CEP83: variants seen among roughly 807,000 people sequenced by gnomAD.
CEP83 encodes centrosomal protein 83.
Under a neutral mutation model 101.9 loss-of-function variants are expected in CEP83, and 70 were observed. The observed-to-expected ratio is 0.69, with a 90% confidence interval of 0.57 to 0.84. The LOEUF (loss-of-function observed/expected upper bound fraction) is 0.84, where lower values mean the gene tolerates loss of function less well. Ranked by LOEUF, CEP83 falls within the 40% of genes least tolerant of loss-of-function variation. The pLI, the probability that CEP83 is intolerant of heterozygous loss-of-function variation, is 0.00. For synonymous variants in CEP83, 264 were observed against 267.9 expected, an observed-to-expected ratio of 0.99 and a Z score of 0.14; for missense variants, 715 against 787.2, an observed-to-expected ratio of 0.91 and a Z score of 1.10.
chr12:94,291,867 C>T, the CEP83 span, among the ~76,000 whole-genome samples: 3 of 152,168 alleles, frequency 2.0e-5, no homozygotes, highest in African/African-American at 7.2e-5. Context: ...ACCCAGTGAA[C>T]GTAGTACCCA....
At chr12:94,280,187 C>T in the CEP83 span, 6 of 216,792 alleles carry the variant, frequency 2.8e-5, no homozygotes, top group East Asian at 5.1e-4. Flanking sequence ...AATTCATTTT[C>T]GGGCTCTACT....
At chr12:94,349,152 G>A (rs763618570) in intron 11 of CEP83, among the ~76,000 whole-genome samples, 16 of 152,068 alleles carry the variant, frequency 1.1e-4, no homozygotes, top group Non-Finnish European at 2.2e-4. Flanking sequence ...TAGGTGTGGT[G>A]GTGGGTGCCT....
intron 2 of CEP83, among the ~76,000 whole-genome samples, chr12:94,427,427 C>T (rs1407155805): frequency 3.3e-5 from 5 of 152,318 alleles, no homozygotes; most frequent in African/African-American, 1.2e-4. Flanking sequence ...CCAAATTCTT[C>T]ATCTTCTCTT....
intron 11 of CEP83, among the ~76,000 whole-genome samples, chr12:94,337,838 A>G (rs2059516727): frequency 6.6e-6 from 1 of 152,192 alleles, no homozygotes; most frequent in Non-Finnish European, 1.5e-5. Context: ...AGTAAAGGGG[A>G]AAAGGACATT....
chr12:94,328,807 G>C (rs1299530451), intron 14 of CEP83, among the ~76,000 whole-genome samples: 1 of 152,180 alleles, frequency 6.6e-6, no homozygotes, highest in Non-Finnish European at 1.5e-5. Context: ...GCAGTGGAAA[G>C]AGCACCAGAC....
At position 94,307,868 on chromosome 12, in the gene CEP83, T is replaced by TATCA. The variant is rs747028879; in HGVS notation, c.*941_*944dup. On this transcript the variant is annotated 3_prime_UTR_variant, in exon 17 of 17. Coordinates refer to ENST00000397809, the MANE Select transcript of CEP83 (RefSeq NM_016122.3). Reference sequence around the variant, plus strand: ...CAATTACAGTCCTGGCCTTCTTCACTATCAACTGGGACTTTTGACTATGAA... The same window carrying TATCA: ...CAATTACAGTCCTGGCCTTCTTCACTATCAATCAACTGGGACTTTTGACTATGAA... The TATCA allele has an allele frequency of 1.3e-5, 2 of 152,196 alleles. No homozygotes were observed. The highest frequency in any genetic ancestry group is 6.5e-5 in the Admixed American group (1 of 15,268). 9.4% of individuals were successfully genotyped at this position (152,196 alleles called of 1,614,324 possible).
chr12:94,287,997 G>T, the CEP83 span, among the ~76,000 whole-genome samples: 1 of 152,164 alleles, frequency 6.6e-6, no homozygotes, highest in African/African-American at 2.4e-5. Context: ...ATGCCTCAAG[G>T]CTTGAAAGCA....
intron 6 of CEP83, among the ~76,000 whole-genome samples, chr12:94,379,746 TC>T (rs1243493878): frequency 2.0e-5 from 3 of 151,998 alleles, no homozygotes; most frequent in Admixed American, 2.0e-4. Context: ...TCAAACTGTT[TC>T]CTAACCTCTG....
chr12:94,291,365 A>G, the CEP83 span, among the ~76,000 whole-genome samples: 7 of 152,106 alleles, frequency 4.6e-5, no homozygotes, highest in Non-Finnish European at 1.0e-4. Context: ...CTGGGACTAC[A>G]GGCGTGTGCC....
At chr12:94,289,141 A>G in the CEP83 span, among the ~76,000 whole-genome samples, 58 of 152,322 alleles carry the variant, frequency 3.8e-4, no homozygotes, top group African/African-American at 1.3e-3. Flanking sequence ...TGCCATAAAC[A>G]TGGTATCTTA....
chr12:94,344,799 T>C (rs944612179), intron 11 of CEP83, among the ~76,000 whole-genome samples: 7 of 152,028 alleles, frequency 4.6e-5, no homozygotes, highest in Admixed American at 4.6e-4. Context: ...TTAACAAGAA[T>C]TTAAAAAGAT....
chr12:94,370,632 C>A (rs1488499852), intron 8 of CEP83, among the ~76,000 whole-genome samples: 3 of 151,894 alleles, frequency 2.0e-5, no homozygotes, highest in Non-Finnish European at 4.4e-5. Context: ...CCTGCTTTGG[C>A]CTCCTAAAGT....
rs575968636 is a variant in CEP83, at chr12:94,345,746, G to C, written c.1344-10082C>G. 4.6e-5 allele frequency among the ~76,000 whole-genome samples: 7 copies of C among 152,320 alleles called. No individual in the cohort carries two copies. The South Asian group carries it at 1.4e-3, about 32-fold the overall frequency. On this transcript the variant is annotated intron_variant, in intron 11 of 16. Coordinates refer to ENST00000397809, the MANE Select transcript of CEP83 (RefSeq NM_016122.3). ...AAATAATGCTACACAGAGGGGCCAA[G>C]AAGAATCTAAATGCACAGGACTTGT... is the stretch of plus-strand genomic sequence containing the variant.
chr12:94,317,033 C>T (rs1171613637), intron 14 of CEP83, among the ~76,000 whole-genome samples: 6 of 152,094 alleles, frequency 3.9e-5, no homozygotes, highest in African/African-American at 1.4e-4. Context: ...ATTTACACTC[C>T]CACCAACAGT....
In CEP83 at chr12:94,309,198, C is replaced by G. The variant is rs371870111; in HGVS notation, c.2002-281G>C. 1.2e-3 allele frequency among the ~76,000 whole-genome samples: 190 copies of G among 152,270 alleles called. No homozygotes were observed. The South Asian group carries it at 0.016, about 13-fold the overall frequency. ...AATACTAATGCAGGGCCCAGGTATA[C>G]TTACATGGTAACTTTCCAACAACAC... On this transcript the variant is annotated intron_variant, in intron 16 of 16. Transcript: ENST00000397809.
intron 1 of CEP83, among the ~76,000 whole-genome samples, chr12:94,452,960 C>T (rs2067369043): frequency 6.6e-6 from 1 of 152,184 alleles, no homozygotes; most frequent in Non-Finnish European, 1.5e-5. Context: ...CTCTGTTACG[C>T]TGCTAAACAA....
chr12:94,312,657 C>T, intron 15 of CEP83: 3 of 985,206 alleles, frequency 3.0e-6, no homozygotes, highest in Non-Finnish European at 2.4e-6. Context: ...AACACCACTC[C>T]TTGCTACCAA....
chr12:94,376,690 T>TACACACAC (rs533315599), intron 7 of CEP83, among the ~76,000 whole-genome samples: 1,323 of 117,292 alleles, frequency 0.011, 17 homozygotes, highest in Non-Finnish European at 0.017. Flanking sequence ...TATACATATA[T>TACACACAC]ACACACACAC....
chr12:94,370,124 G>A (rs1002820647), intron 8 of CEP83, 88 bp from the exon 9 acceptor site: 9 of 736,790 alleles, frequency 1.2e-5, no homozygotes, highest in African/African-American at 7.0e-5. Context: ...ACAAGAAAAC[G>A]CTCTGGTAGT....
Sources: gnomAD v4.1 joint callset for allele counts (sites outside exome capture counted in the v4.1 genomes callset) on GRCh38, gnomAD v4.1.1 for gene constraint, MANE v1.5 for transcripts, NCBI Gene and HGNC (gene_info 2026-07-23, HGNC 2026-07-21) for gene names.